The following FUNDC1 variants were observed in gnomAD, a reference collection of about 807,000 sequenced individuals.
The protein encoded by FUNDC1 is FUN14 domain-containing protein 1.
FUNDC1 carries 10 observed loss-of-function variants against 14.5 expected under a neutral mutation model. The observed-to-expected ratio is 0.69, with a 90% confidence interval of 0.43 to 1.17. The LOEUF (loss-of-function observed/expected upper bound fraction) is 1.17. Ranked by LOEUF, FUNDC1 falls within the 50% of genes most tolerant of loss-of-function variation. FUNDC1 has a pLI of 0.00. For missense variants in FUNDC1, 115 were observed against 113.8 expected, an observed-to-expected ratio of 1.01 and a Z score of -0.05; for synonymous variants, 33 against 39.7, an observed-to-expected ratio of 0.83 and a Z score of 0.64.
intron 3 of FUNDC1, among the ~76,000 whole-genome samples, chrX:44,530,780 T>A (rs1011486878): frequency 5.9e-5 from 6 of 100,856 alleles, no homozygotes; most frequent in African/African-American, 2.6e-4. Context: ...ACTAGCTGGG[T>A]GTGGTGGCTC....
chrX:44,524,181 G>T lies in FUNDC1; in HGVS notation c.*17C>A, dbSNP rs759709567. On this transcript the variant is annotated 3_prime_UTR_variant, in exon 5 of 5. Coordinates refer to ENST00000378045, the MANE Select transcript of FUNDC1 (RefSeq NM_173794.4). Reference sequence around the variant, plus strand: ...TCTTCTCATAGTTGAATCCGTTATGGGAGAATATTCATGTCCTTAAGATGC... The same window carrying T: ...TCTTCTCATAGTTGAATCCGTTATGTGAGAATATTCATGTCCTTAAGATGC... 3.4e-5 allele frequency: 38 copies of T among 1,122,128 alleles called. No individual in the cohort carries two copies. Among genetic ancestry groups the T allele is most frequent in the Non-Finnish European group, 4.7e-5 (38 of 816,254 alleles). 92.5% of individuals were successfully genotyped at this position (1,122,128 alleles called of 1,213,427 possible).
At position 44,527,242 on chromosome X, in the gene FUNDC1, C is replaced by G. The variant is rs763737075; in HGVS notation, c.385G>C (p.Glu129Gln). ...AAAATTATATATCATCTTACTTCTT[C>G]AATTAAATTGTTGATTTCAGGTGCT... ...KAAPEINNLI[E>Q]EATEFIKQNI... Residue 129 changes from glutamate to glutamine, a missense_variant, in exon 4 of 5, where the codon GAA (glutamate) becomes CAA (glutamine). Transcript: ENST00000378045. 7.8e-6 allele frequency: 9 copies of G among 1,153,614 alleles called. No individual in the cohort carries two copies.
At chrX:44,528,381 A>G (rs746896590) in intron 3 of FUNDC1, among the ~76,000 whole-genome samples, 2 of 112,223 alleles carry the variant, frequency 1.8e-5, no homozygotes, top group African/African-American at 3.2e-5. Flanking sequence ...ATCTACTATC[A>G]CTTCAAACTC....
At chrX:44,535,333 C>T (rs1216200716) in intron 3 of FUNDC1, among the ~76,000 whole-genome samples, 2 of 109,957 alleles carry the variant, frequency 1.8e-5, no homozygotes, top group Admixed American at 9.8e-5. Context: ...TTGATACATA[C>T]GACAATGAAA....
At chrX:44,536,319 GAA>G (rs56323948) in intron 3 of FUNDC1, among the ~76,000 whole-genome samples, 288 of 64,605 alleles carry the variant, frequency 4.5e-3, no homozygotes, top group Non-Finnish European at 7.1e-3. Context: ...ACTCTGTCTC[GAA>G]AAAAAAAAAA....
chrX:44,528,127 T>C (rs768040055), intron 3 of FUNDC1, among the ~76,000 whole-genome samples: 59 of 112,306 alleles, frequency 5.3e-4, no homozygotes, highest in Non-Finnish European at 8.1e-4. Context: ...AATAGCCATA[T>C]ATACCATTAT....
intron 2 of FUNDC1, among the ~76,000 whole-genome samples, chrX:44,539,877 G>A (rs1601904519): frequency 9.0e-6 from 1 of 110,521 alleles, no homozygotes; most frequent in Non-Finnish European, 1.9e-5. Flanking sequence ...ATGTTGGCCA[G>A]GCTAGTCTTG....
At chrX:44,531,758 A>G (rs1469952813) in intron 3 of FUNDC1, among the ~76,000 whole-genome samples, 1 of 71,114 alleles carries the variant, frequency 1.4e-5, no homozygotes, top group Non-Finnish European at 2.6e-5. Context: ...GGTAGGAAGA[A>G]GCTTAAAACA....
rs181071763 is a variant in FUNDC1 at position 44,533,883 on chromosome X, G to A, written c.261+4584C>T. 6.7e-4 allele frequency among the ~76,000 whole-genome samples: 72 copies of A among 107,299 alleles called. 1 individual carries two copies. The highest frequency in any genetic ancestry group is 2.0e-3 in the African/African-American group (60 of 29,519). 93.2% of individuals were successfully genotyped at this position (107,299 alleles called of 115,157 possible). On this transcript the variant is annotated intron_variant, in intron 3 of 4. Coordinates refer to ENST00000378045, the MANE Select transcript of FUNDC1 (RefSeq NM_173794.4). The stretch of plus-strand genomic sequence containing the variant: ...GTTCAAGACCAGCCTGGGCAACATA[G>A]CAAAACTCCATCTCTACTAAAAATA...
chrX:44,524,813 G>A (rs958693358), intron 4 of FUNDC1, among the ~76,000 whole-genome samples: 1 of 111,025 alleles, frequency 9.0e-6, no homozygotes, highest in Non-Finnish European at 1.9e-5. Context: ...TAAGCTCCTT[G>A]GCTATTGAGA....
At chrX:44,535,395 C>T (rs903784576) in intron 3 of FUNDC1, among the ~76,000 whole-genome samples, 2 of 109,713 alleles carry the variant, frequency 1.8e-5, no homozygotes, top group African/African-American at 6.6e-5. Flanking sequence ...GGGCCAGGTG[C>T]GGTGGCTCAC....
At chrX:44,525,195 AAAC>A (rs1368288070) in intron 4 of FUNDC1, among the ~76,000 whole-genome samples, 1 of 110,636 alleles carries the variant, frequency 9.0e-6, no homozygotes, top group Non-Finnish European at 1.9e-5. Context: ...TGATAACCGA[AAAC>A]AATATATAAT....
intron 3 of FUNDC1, among the ~76,000 whole-genome samples, chrX:44,532,524 T>C (rs951308917): frequency 1.9e-5 from 2 of 106,309 alleles, no homozygotes; most frequent in South Asian, 4.0e-4. Flanking sequence ...GGCTTAAATA[T>C]ATATATGTGT....
rs185623563 is a variant in FUNDC1, at chrX:44,525,962, C to T, written c.390+1275G>A. ...CTGTGATCCTGGCACTTTGGGAGGC[C>T]GAGGCATCATGCACACCTGTAGTCC... On this transcript the variant is annotated intron_variant, in intron 4 of 4. Coordinates refer to ENST00000378045, the MANE Select transcript of FUNDC1 (RefSeq NM_173794.4). Among the ~76,000 whole-genome samples, 154 of 102,147 alleles carry T rather than the reference C, an allele frequency of 1.5e-3. 1 individual carries two copies. In the East Asian group the frequency reaches 0.044, roughly 29 times the overall value. The allele number at this position is 102,147 out of a possible 115,157, so 88.7% of individuals were successfully genotyped here. A position where few individuals can be genotyped will look rare whatever the true frequency, so the allele number is the denominator to read the frequency against.
At chrX:44,531,243 GAA>G (rs1445666660) in intron 3 of FUNDC1, among the ~76,000 whole-genome samples, 2 of 69,111 alleles carry the variant, frequency 2.9e-5, no homozygotes, top group African/African-American at 1.5e-4. Flanking sequence ...ACTGTTTCCA[GAA>G]AAACACACAC....
At chrX:44,529,526 G>A (rs915338160) in intron 3 of FUNDC1, among the ~76,000 whole-genome samples, 4 of 111,320 alleles carry the variant, frequency 3.6e-5, no homozygotes. Context: ...GCTCAGCACT[G>A]ACCATATGGG....
intron 3 of FUNDC1, among the ~76,000 whole-genome samples, chrX:44,531,233 A>C (rs1474844002): frequency 1.1e-5 from 1 of 89,552 alleles, no homozygotes; most frequent in Non-Finnish European, 2.1e-5. Context: ...AGAGAGTGAG[A>C]CTGTTTCCAG....
chrX:44,537,967 T>C (rs1354514259), intron 3 of FUNDC1, among the ~76,000 whole-genome samples: 1 of 112,310 alleles, frequency 8.9e-6, no homozygotes, highest in Non-Finnish European at 1.9e-5. Flanking sequence ...AGATATAAGA[T>C]TATGGATTTT....
chrX:44,527,294 T>A lies in FUNDC1; in HGVS notation c.333A>T (p.Arg111Ser). The A allele has an allele frequency of 1.7e-6, 2 of 1,200,649 alleles. No individual in the cohort carries two copies. Among genetic ancestry groups the A allele is most frequent in the Non-Finnish European group, 2.3e-6 (2 of 887,662 alleles). ...CTTTGTTCGCTCGTTTCTTAATCTGTCTTTTTGCTTTATTTACATCTTTTT... is the reference window on the plus strand; with the variant it reads ...CTTTGTTCGCTCGTTTCTTAATCTGACTTTTTGCTTTATTTACATCTTTTT... The part of the protein sequence containing the change: ...RVEKDVNKAK[R>S]QIKKRANKAA... The change falls in exon 4 of 5, where the codon AGA becomes AGT. Residue 111 changes from arginine to serine, a missense_variant. Arg to Ser is a moderately radical substitution (Grantham distance 110, BLOSUM62 -1). Transcript: ENST00000378045.
Sources: allele counts gnomAD v4.1 joint callset (sites outside exome capture counted in the v4.1 genomes callset), GRCh38; gene constraint gnomAD v4.1.1; transcripts MANE v1.5; gene names NCBI Gene and HGNC (gene_info 2026-07-23, HGNC 2026-07-21).